The following SLC16A10 variants were observed in gnomAD, a reference collection of about 807,000 sequenced individuals.
SLC16A10 encodes monocarboxylate transporter 10.
SLC16A10 carries 27 observed loss-of-function variants against 40.0 expected under a neutral mutation model. That is an observed-to-expected ratio of 0.67 (90% CI 0.50 to 0.93). The LOEUF is 0.93. Ranked by LOEUF, SLC16A10 falls within the 40% of genes least tolerant of loss-of-function variation. The pLI, the probability that SLC16A10 is intolerant of heterozygous loss-of-function variation, is 0.00. For synonymous variants in SLC16A10, 213 were observed against 249.8 expected, an observed-to-expected ratio of 0.85 and a Z score of 1.39; for missense variants, 529 against 658.2, an observed-to-expected ratio of 0.80 and a Z score of 2.15.
intron 1 of SLC16A10, among the ~76,000 whole-genome samples, chr6:111,159,007 A>G (rs1448687480): frequency 1.5e-5 from 2 of 136,964 alleles, no homozygotes; most frequent in Non-Finnish European, 3.1e-5. Context: ...ACCAGAGGCT[A>G]TAGTGAGCTG....
chr6:111,165,545 A>G (rs908813875), intron 1 of SLC16A10, among the ~76,000 whole-genome samples: 3 of 152,178 alleles, frequency 2.0e-5, no homozygotes, highest in African/African-American at 7.2e-5. Flanking sequence ...ATCCTTTTAA[A>G]TCCCTTGTTA....
chr6:111,118,717 T>TCCA (rs1274346383), intron 1 of SLC16A10, among the ~76,000 whole-genome samples: 1 of 149,126 alleles, frequency 6.7e-6, no homozygotes, highest in Non-Finnish European at 1.5e-5. Flanking sequence ...TTATCTCAGG[T>TCCA]TTTATATGGC....
intron 1 of SLC16A10, among the ~76,000 whole-genome samples, chr6:111,100,021 CAAA>C (rs56154710): frequency 4.4e-4 from 49 of 112,568 alleles, no homozygotes; most frequent in Non-Finnish European, 5.2e-4. Flanking sequence ...GACCCTGTCT[CAAA>C]AAAAAAAAAA....
intron 1 of SLC16A10, among the ~76,000 whole-genome samples, chr6:111,104,294 A>G (rs1771242679): frequency 6.6e-6 from 1 of 152,216 alleles, no homozygotes; most frequent in Non-Finnish European, 1.5e-5. Flanking sequence ...CCAATTACAA[A>G]GCCCCGACCG....
chr6:111,182,293 G>A (rs553094581), intron 3 of SLC16A10, among the ~76,000 whole-genome samples: 243 of 147,020 alleles, frequency 1.7e-3, no homozygotes, highest in African/African-American at 5.7e-3. Context: ...GAGCCACCAC[G>A]CCTGGCCTCT....
intron 1 of SLC16A10, among the ~76,000 whole-genome samples, chr6:111,133,486 A>G (rs760491358): frequency 6.6e-6 from 1 of 151,834 alleles, no homozygotes; most frequent in Non-Finnish European, 1.5e-5. Flanking sequence ...CTGCAGTACC[A>G]CCTGGCCATG....
intron 4 of SLC16A10, among the ~76,000 whole-genome samples, chr6:111,208,930 G>A (rs1005388567): frequency 6.6e-6 from 1 of 152,174 alleles, no homozygotes; most frequent in Non-Finnish European, 1.5e-5. Context: ...GGCCAGGCAT[G>A]GCAGCTCATG....
At chr6:111,146,482 T>C (rs1368666623) in intron 1 of SLC16A10, among the ~76,000 whole-genome samples, 1 of 152,192 alleles carries the variant, frequency 6.6e-6, no homozygotes, top group East Asian at 1.9e-4. Flanking sequence ...GGCTCAAGCC[T>C]GTAATCCCAG....
chr6:111,097,936 G>A (rs146475914), intron 1 of SLC16A10, among the ~76,000 whole-genome samples: 2 of 152,192 alleles, frequency 1.3e-5, no homozygotes, highest in Non-Finnish European at 2.9e-5. Flanking sequence ...CTACAGTTCA[G>A]CTAGTACCTA....
chr6:111,135,689 C>T (rs1389147904), intron 1 of SLC16A10, among the ~76,000 whole-genome samples: 1 of 152,190 alleles, frequency 6.6e-6, no homozygotes, highest in East Asian at 1.9e-4. Flanking sequence ...AGGGATAGCC[C>T]CCATCTATTT....
In SLC16A10 at chr6:111,089,816, G is replaced by T. The variant is rs1320479154; in HGVS notation, c.343+1721G>T. On this transcript the variant is annotated intron_variant, in intron 1 of 5. Transcript: ENST00000368851. ...TACCATATTCCTGCCTGGGATTACA[G>T]ATTTTTTAATGCAGTCAAGATAACA... Among the ~76,000 whole-genome samples, 11 of 146,456 alleles carry T rather than the reference G, an allele frequency of 7.5e-5. 1 individual carries two copies. The highest frequency in any genetic ancestry group is 2.3e-4 in the South Asian group (1 of 4,394).
At position 111,159,600 on chromosome 6, in the gene SLC16A10, A is replaced by G. The variant is rs1016005262; in HGVS notation, c.344-13095A>G. Among the ~76,000 whole-genome samples the G allele has an allele frequency of 3.9e-5, 6 of 152,314 alleles. No homozygotes were observed. The East Asian group carries it at 5.8e-4, about 15-fold the overall frequency. ...ATAAAGCAGCTATAAACATTTGTAT[A>G]TAAGTTTTTGTATAGGCATATGCTT... On this transcript the variant is annotated intron_variant, in intron 1 of 5. Transcript: ENST00000368851.
intron 2 of SLC16A10, among the ~76,000 whole-genome samples, chr6:111,175,431 C>T (rs946415001): frequency 6.6e-6 from 1 of 152,108 alleles, no homozygotes; most frequent in Non-Finnish European, 1.5e-5. Context: ...AACTGATGTT[C>T]CTGATGATTC....
intron 1 of SLC16A10, among the ~76,000 whole-genome samples, chr6:111,135,103 T>C (rs1276887754): frequency 2.6e-5 from 4 of 152,152 alleles, no homozygotes; most frequent in Non-Finnish European, 5.9e-5. Context: ...CACTCCCTTG[T>C]TAGGGAGAGA....
chr6:111,173,452 A>G (rs1562421796), intron 2 of SLC16A10: 2 of 152,142 alleles, frequency 1.3e-5, no homozygotes, highest in East Asian at 1.9e-4. Flanking sequence ...AGGATCCCCA[A>G]CCCCTGTGCC....
rs969567441 is a variant in SLC16A10, at chr6:111,122,815, C to G, written c.343+34720C>G. Among the ~76,000 whole-genome samples, 7 of 152,322 alleles carry G rather than the reference C, an allele frequency of 4.6e-5. No homozygotes were observed. The East Asian group carries it at 1.2e-3, about 25-fold the overall frequency. ...AGCTCACCTCCCAGACCCTGCCCTT[C>G]AGGCACTGAAAACTGTTTTAGGCTT... is the stretch of plus-strand genomic sequence containing the variant. On this transcript the variant is annotated intron_variant, in intron 1 of 5. Coordinates refer to ENST00000368851, the MANE Select transcript of SLC16A10 (RefSeq NM_018593.5).
chr6:111,177,747 A>T (rs766945921), intron 3 of SLC16A10, 82 bp downstream of exon 3: 1 of 1,301,378 alleles, frequency 7.7e-7, no homozygotes, highest in Non-Finnish European at 1.0e-6. Context: ...GGTCGAGTTA[A>T]AGTTGGCCTC....
chr6:111,170,418 A>C (rs1211337863), intron 1 of SLC16A10, among the ~76,000 whole-genome samples: 1 of 152,092 alleles, frequency 6.6e-6, no homozygotes, highest in African/African-American at 2.4e-5. Flanking sequence ...ATGTTAGGAT[A>C]TTTTCTTCTA....
intron 1 of SLC16A10, among the ~76,000 whole-genome samples, chr6:111,147,494 T>C (rs1772100777): frequency 6.6e-6 from 1 of 152,140 alleles, no homozygotes; most frequent in African/African-American, 2.4e-5. Flanking sequence ...TCGTGTACGG[T>C]GGCTGTGAGT....
Sources: allele counts gnomAD v4.1 joint callset (sites outside exome capture counted in the v4.1 genomes callset), GRCh38; gene constraint gnomAD v4.1.1; transcripts MANE v1.5; gene names NCBI Gene and HGNC (gene_info 2026-07-23, HGNC 2026-07-21).